The following LRIG2 variants were observed in gnomAD, a reference collection of about 807,000 sequenced individuals.
The protein encoded by LRIG2 is leucine-rich repeats and immunoglobulin-like domains protein 2.
A neutral mutation model predicts 107.8 loss-of-function variants in LRIG2; 93 were observed. The observed-to-expected ratio is 0.86, with a 90% CI of 0.73 to 1.03. The LOEUF (loss-of-function observed/expected upper bound fraction) is 1.03, where lower values mean the gene tolerates loss of function less well. Among genes scored for constraint, LRIG2 ranks in the 50% least tolerant of loss-of-function variants. LRIG2 has a pLI of 0.00. For synonymous variants in LRIG2, 471 were observed against 470.6 expected (o/e 1.00, Z -0.01); for missense variants, 1,226 against 1,296.0 (o/e 0.95, Z 0.83).
In LRIG2 at chr1:113,094,684, G is replaced by A. The variant is rs1351831444; in HGVS notation, c.732G>A (p.Leu244=). 2.5e-6 allele frequency: 4 copies of A among 1,613,958 alleles called. No individual in the cohort carries two copies. ...AAGGGCTTGACTCCTTAAGATCTTTGAAAATGCAGCGGAATGGAATTAGCA... is the reference window on the plus strand; with the variant it reads ...AAGGGCTTGACTCCTTAAGATCTTTAAAAATGCAGCGGAATGGAATTAGCA... ...TFQGLDSLRS[L]KMQRNGISKL... The change falls in exon 6 of 18, where the codon TTG becomes TTA. Residue 244 remains leucine (L), a synonymous_variant. Coordinates refer to ENST00000361127, the MANE Select transcript of LRIG2 (RefSeq NM_014813.3).
In LRIG2 at chr1:113,114,736, G is replaced by A. The variant is rs930815509; in HGVS notation, c.2390G>A (p.Gly797Glu). ...PNCDSSQSSI[G>E]HEDDGWTTVG... ...TGTGACTCTTCCCAGAGTAGCATTGGGCATGAAGATGATGGCTGGACCACA... is the reference window on the plus strand; with the variant it reads ...TGTGACTCTTCCCAGAGTAGCATTGAGCATGAAGATGATGGCTGGACCACA... Residue 797 changes from glycine to glutamate, a missense_variant, in exon 15 of 18, where the codon GGG becomes GAG. Coordinates refer to ENST00000361127, the MANE Select transcript of LRIG2 (RefSeq NM_014813.3). The A allele has an allele frequency of 6.2e-7, 1 of 1,613,932 alleles. No individual in the cohort carries two copies. Among genetic ancestry groups the A allele is most frequent in the Admixed American group, 1.7e-5 (1 of 59,988 alleles).
rs191015485 is a variant in LRIG2, at chr1:113,101,337, G to A, written c.1313+849G>A. The stretch of plus-strand genomic sequence containing the variant: ...TCTGCTTCAGCCTCCCAAAGTGTTG[G>A]GATTACAGGCGTGAGCCACCGGTCC... On this transcript the variant is annotated intron_variant, in intron 11 of 17. Transcript: ENST00000361127. Among the ~76,000 whole-genome samples the A allele has an allele frequency of 1.5e-4, 23 of 152,224 alleles. No homozygotes were observed. The East Asian group carries it at 4.4e-3, about 29-fold the overall frequency.
At position 113,132,165 on chromosome 1, in the gene LRIG2, T is replaced by G. The variant is rs1056348441; in HGVS notation, c.*8064T>G. 2 of 152,170 alleles carry G rather than the reference T, an allele frequency of 1.3e-5. No individual in the cohort carries two copies. The highest frequency in any genetic ancestry group is 4.8e-5 in the African/African-American group (2 of 41,446). The allele number at this position is 152,170 out of a possible 1,614,324, so 9.4% of individuals were successfully genotyped here. On this transcript the variant is annotated 3_prime_UTR_variant, in exon 18 of 18. Transcript: ENST00000361127. Reference sequence around the variant, plus strand: ...GTCATTTCTTAGTATCTGTTTATATTTTGTCACACATCAGAATGTATATTT... The same window carrying G: ...GTCATTTCTTAGTATCTGTTTATATGTTGTCACACATCAGAATGTATATTT...
At chr1:113,121,524 A>G (rs1006995761) in intron 17 of LRIG2, among the ~76,000 whole-genome samples, 2 of 152,018 alleles carry the variant, frequency 1.3e-5, no homozygotes, top group African/African-American at 2.4e-5. Flanking sequence ...CGGGTGGATC[A>G]TGAGGTCAGG....
chr1:113,118,758 G>A (rs1249372802), intron 16 of LRIG2, among the ~76,000 whole-genome samples: 5 of 151,736 alleles, frequency 3.3e-5, no homozygotes, highest in Admixed American at 6.6e-5. Context: ...TCCGCCTCCC[G>A]GGTTCACGCC....
intron 1 of LRIG2, among the ~76,000 whole-genome samples, chr1:113,087,246 T>C (rs926478351): frequency 6.6e-6 from 1 of 152,234 alleles, no homozygotes; most frequent in African/African-American, 2.4e-5. Flanking sequence ...TTAATGGACA[T>C]TGGGAAGAAC....
chr1:113,101,151 A>G (rs1435312932), intron 11 of LRIG2, among the ~76,000 whole-genome samples: 3 of 152,108 alleles, frequency 2.0e-5, no homozygotes, highest in East Asian at 1.9e-4. Flanking sequence ...GCCCACTGCA[A>G]CCTCTGCCTC....
intron 9 of LRIG2, among the ~76,000 whole-genome samples, chr1:113,099,547 TTGTTTTTG>T (rs1226776188): frequency 6.6e-6 from 1 of 152,204 alleles, no homozygotes; most frequent in South Asian, 2.1e-4. Flanking sequence ...GCTAGTTTTT[TTGTTTTTG>T]TGTTTTTTTG....
chr1:113,083,599 G>T (rs1653389326), intron 1 of LRIG2, among the ~76,000 whole-genome samples: 1 of 151,728 alleles, frequency 6.6e-6, no homozygotes, highest in Non-Finnish European at 1.5e-5. Context: ...ACCTGCCCTG[G>T]CTATCCAAAG....
intron 12 of LRIG2, among the ~76,000 whole-genome samples, chr1:113,109,731 C>G (rs1477586936): frequency 6.6e-6 from 1 of 152,134 alleles, no homozygotes; most frequent in Non-Finnish European, 1.5e-5. Context: ...GTTGGTCAGG[C>G]TGGTCTCGAA....
In LRIG2 at chr1:113,129,509, G is replaced by A. The variant is rs967468280; in HGVS notation, c.*5408G>A. ...TCAGCAATCTATTTAAATGTGAAGA[G>A]CCTATCTCTGGTCTTTAAATAAACA... is the stretch of plus-strand genomic sequence containing the variant. On this transcript the variant is annotated 3_prime_UTR_variant, in exon 18 of 18. Coordinates refer to ENST00000361127, the MANE Select transcript of LRIG2 (RefSeq NM_014813.3). 6.6e-6 allele frequency: 1 copy of A among 150,982 alleles called. No individual in the cohort carries two copies. The highest frequency in any genetic ancestry group is 2.4e-5 in the African/African-American group (1 of 40,984). The allele number at this position is 150,982 out of a possible 1,614,324, so 9.4% of individuals were successfully genotyped here.
rs35009982 is a variant in LRIG2 at position 113,129,531 on chromosome 1, AAC to A, written c.*5449_*5450del. ...AGAGCCTATCTCTGGTCTTTAAATA[AAC>A]ACACACACACACACACACCCCTAGG... On this transcript the variant is annotated 3_prime_UTR_variant, in exon 18 of 18. Coordinates refer to ENST00000361127, the MANE Select transcript of LRIG2 (RefSeq NM_014813.3). 19,933 of 150,144 alleles carry A rather than the reference AAC, an allele frequency of 0.13. 1,361 individuals carry two copies. Among genetic ancestry groups the A allele is most frequent in the Admixed American group, 0.18 (2,646 of 15,042 alleles). The allele number at this position is 150,144 out of a possible 1,614,324, so 9.3% of individuals were successfully genotyped here.
chr1:113,100,371 CTT>C, intron 10 of LRIG2, 47 bp from the exon 11 acceptor site: 2 of 1,434,074 alleles, frequency 1.4e-6, no homozygotes, highest in South Asian at 1.2e-5. Flanking sequence ...GTTTATGTAA[CTT>C]GATATAGAAA....
Position 113,096,250 on chromosome 1 carries a change from C to T in LRIG2, c.976C>T (p.Leu326=), listed in dbSNP as rs1654060486. The change falls in exon 8 of 18, where the codon CTG becomes TTG. Residue 326 remains leucine, a synonymous_variant. Coordinates refer to ENST00000361127, the MANE Select transcript of LRIG2 (RefSeq NM_014813.3). ...TTTGTCCTATAACCAGCTGACCCGC[C>T]TGGATGAATCTGCCTTTGTGGGTCT... is the stretch of plus-strand genomic sequence containing the variant. The part of the protein sequence containing the change: ...LDLSYNQLTR[L]DESAFVGLSL... 3.1e-6 allele frequency: 5 copies of T among 1,614,010 alleles called. No individual in the cohort carries two copies. The highest frequency in any genetic ancestry group is 4.2e-6 in the Non-Finnish European group (5 of 1,180,030).
chr1:113,094,251 G>A (rs1032072707), intron 4 of LRIG2, 88 bp from the exon 5 acceptor site: 5 of 873,088 alleles, frequency 5.7e-6, no homozygotes, highest in African/African-American at 1.7e-5. Context: ...AGAGCTGGGG[G>A]CTTAGACATA....
At chr1:113,106,595 C>G (rs1654549421) in intron 11 of LRIG2, among the ~76,000 whole-genome samples, 1 of 152,036 alleles carries the variant, frequency 6.6e-6, no homozygotes. Context: ...ACTTCTGCCT[C>G]CCGGGTTCAA....
Position 113,096,370 on chromosome 1 carries a change from G to A in LRIG2, c.1091+5G>A, listed in dbSNP as rs780508652. 5 of 1,607,786 alleles carry A rather than the reference G, an allele frequency of 3.1e-6. No homozygotes were observed. In the South Asian group the frequency reaches 5.6e-5, roughly 18 times the overall value. On this transcript the variant is annotated splice_donor_5th_base_variant and intron_variant, in intron 8 of 17. Transcript: ENST00000361127. ...TCTTTCCAATCTTCAGACATTGTAA[G>A]TATATCCATTCTCCTTTTTGGTTGT...
In LRIG2 at chr1:113,096,362, C is replaced by T; in HGVS notation, c.1088C>T (p.Thr363Ile). ...GVFRFLSNLQ[T>I]LDLRNNEISW... ...TTTAGATTTCTTTCCAATCTTCAGA[C>T]ATTGTAAGTATATCCATTCTCCTTT... The change falls in exon 8 of 18, where the codon ACA (threonine) becomes ATA (isoleucine). Residue 363 changes from threonine (T) to isoleucine (I), a missense_variant. Physicochemically the swap from Thr to Ile is moderately conservative, Grantham distance 89 (BLOSUM62 -1). Coordinates refer to ENST00000361127, the MANE Select transcript of LRIG2 (RefSeq NM_014813.3). 6.2e-7 allele frequency: 1 copy of T among 1,612,566 alleles called. No homozygotes were observed. Among genetic ancestry groups the T allele is most frequent in the Non-Finnish European group, 8.5e-7 (1 of 1,179,552 alleles).
chr1:113,117,586 C>A (rs529013905), intron 16 of LRIG2, among the ~76,000 whole-genome samples: 37 of 151,860 alleles, frequency 2.4e-4, no homozygotes, highest in Admixed American at 1.5e-3. Flanking sequence ...CAGGTTCAAG[C>A]GATTCCTCTG....
Sources: allele counts gnomAD v4.1 joint callset (sites outside exome capture counted in the v4.1 genomes callset), GRCh38; gene constraint gnomAD v4.1.1; transcripts MANE v1.5; gene names NCBI Gene and HGNC (gene_info 2026-07-23, HGNC 2026-07-21).